ERICH1: variants seen among roughly 807,000 people sequenced by gnomAD.
ERICH1 encodes the protein glutamate-rich protein 1.
A neutral mutation model predicts 39.6 loss-of-function variants in ERICH1; 56 were observed. The ratio of observed to expected loss-of-function variants is 1.41; its 90% CI spans 1.14 to 1.77. The LOEUF (loss-of-function observed/expected upper bound fraction) is 1.77. Ranked by LOEUF, ERICH1 falls within the 40% of genes most tolerant of loss-of-function variation. ERICH1 has a pLI of 0.00. For synonymous variants in ERICH1, 313 were observed against 223.6 expected (o/e 1.40, Z -3.57); for missense variants, 826 against 575.4 (o/e 1.44, Z -4.45).
At chr8:696,979 G>C (rs1459868395) in intron 2 of ERICH1, among the ~76,000 whole-genome samples, 1 of 151,874 alleles carries the variant, frequency 6.6e-6, no homozygotes, top group African/African-American at 2.4e-5. Context: ...ACCTGTGCTT[G>C]CTCCTCTTAC....
chr8:650,225 G>A (rs900580403), intron 3 of ERICH1, among the ~76,000 whole-genome samples: 6 of 152,340 alleles, frequency 3.9e-5, no homozygotes, highest in African/African-American at 1.4e-4. Context: ...TGCTGGCGAT[G>A]AGGACGCCGG....
chr8:695,917 T>A (rs1810140742), intron 2 of ERICH1, among the ~76,000 whole-genome samples: 2 of 66,558 alleles, frequency 3.0e-5, no homozygotes, highest in Non-Finnish European at 5.5e-5. Flanking sequence ...CTCGCTCCTC[T>A]CACCCTCCAC....
chr8:664,804 T>A, intron 5 of ERICH1, 128 bp from the exon 6 acceptor site: 1 of 674,456 alleles, frequency 1.5e-6, no homozygotes, highest in South Asian at 2.1e-5. Flanking sequence ...AAATGCAACT[T>A]TGGCATGAAA....
chr8:614,775 C>G (rs868299306), exon 4 of ERICH1: 1 of 157,888 alleles, frequency 6.3e-6, no homozygotes. Flanking sequence ...ATTCAACATA[C>G]ACTTGTTGAT....
intron 2 of ERICH1, among the ~76,000 whole-genome samples, chr8:695,391 T>A (rs1809918894): frequency 6.6e-6 from 1 of 152,080 alleles, no homozygotes; most frequent in African/African-American, 2.4e-5. Context: ...ATGACGGCTG[T>A]GAGCAAAACC....
Position 664,533 on chromosome 8 carries a change from A to G in ERICH1, c.*70T>C. On this transcript the variant is annotated 3_prime_UTR_variant, in exon 6 of 6. Transcript: ENST00000262109. Reference sequence around the variant, plus strand: ...TTCAAGTTCCCAGAGAACTAACTCTAAGCCCATCTCACATTTGTCTTTTAA... The same window carrying G: ...TTCAAGTTCCCAGAGAACTAACTCTGAGCCCATCTCACATTTGTCTTTTAA... 3 of 1,554,984 alleles carry G rather than the reference A, an allele frequency of 1.9e-6. No individual in the cohort carries two copies. The highest frequency in any genetic ancestry group is 2.6e-6 in the Non-Finnish European group (3 of 1,152,272).
At chr8:720,652 G>C (rs1817102136) in intron 1 of ERICH1, among the ~76,000 whole-genome samples, 1 of 152,202 alleles carries the variant, frequency 6.6e-6, no homozygotes, top group African/African-American at 2.4e-5. Flanking sequence ...GAAAGACAAT[G>C]TCCCTTTTCA....
chr8:650,357 G>A (rs1212333417), intron 3 of ERICH1, among the ~76,000 whole-genome samples: 1 of 152,354 alleles, frequency 6.6e-6, no homozygotes, highest in Middle Eastern at 3.4e-3. Context: ...GGCAGAACGG[G>A]CTTTCCTTTT....
intron 3 of ERICH1, among the ~76,000 whole-genome samples, chr8:678,311 T>C (rs575345742): frequency 1.3e-5 from 2 of 152,250 alleles, no homozygotes; most frequent in South Asian, 4.1e-4. Context: ...AACACGGAAG[T>C]GCCGATACGT....
chr8:719,147 AGCCCCAG>A (rs1816719306), intron 1 of ERICH1, among the ~76,000 whole-genome samples: 2 of 152,046 alleles, frequency 1.3e-5, no homozygotes, highest in Non-Finnish European at 2.9e-5. Context: ...GCCACACGAA[AGCCCCAG>A]GCCTGGCGAG....
chr8:689,766 G>A (rs1381296260), intron 3 of ERICH1, among the ~76,000 whole-genome samples: 5 of 152,172 alleles, frequency 3.3e-5, no homozygotes, highest in African/African-American at 4.8e-5. Context: ...CCTGTAATGC[G>A]GTCTACACAG....
chr8:677,080 G>A (rs1318452344), intron 3 of ERICH1, among the ~76,000 whole-genome samples: 1 of 152,210 alleles, frequency 6.6e-6, no homozygotes, highest in African/African-American at 2.4e-5. Context: ...AAAGCCCAGG[G>A]CCTGCCCGCA....
intron 1 of ERICH1, among the ~76,000 whole-genome samples, chr8:724,497 G>A (rs1319809657): frequency 1.3e-5 from 2 of 152,102 alleles, no homozygotes; most frequent in African/African-American, 2.4e-5. Flanking sequence ...CAGCCCAGGG[G>A]CTTCCGGAGA....
intron 3 of ERICH1, chr8:615,903 C>T (rs1414510847): frequency 6.6e-6 from 1 of 152,476 alleles, no homozygotes; most frequent in Non-Finnish European, 1.5e-5. Context: ...ACGCTGTGGT[C>T]TCATGCAGCA....
chr8:663,038 C>A (rs760747607), downstream of ERICH1, among the ~76,000 whole-genome samples: 1 of 152,226 alleles, frequency 6.6e-6, no homozygotes, highest in Non-Finnish European at 1.5e-5. Flanking sequence ...GAGTGGCGTC[C>A]GCTGCCACAT....
intron 3 of ERICH1, among the ~76,000 whole-genome samples, chr8:682,774 C>A (rs1428818523): frequency 6.6e-6 from 1 of 152,210 alleles, no homozygotes; most frequent in Non-Finnish European, 1.5e-5. Flanking sequence ...AATAACCAGT[C>A]TTCAGATTCT....
At chr8:692,664 T>C in intron 2 of ERICH1, 52 bp from the exon 3 acceptor site, 1 of 1,514,690 alleles carries the variant, frequency 6.6e-7, no homozygotes, top group Non-Finnish European at 8.9e-7. Context: ...CAAAATGCAG[T>C]CATTTATTTG....
At chr8:621,357 GA>G (rs140410701) in intron 3 of ERICH1, among the ~76,000 whole-genome samples, 1 of 152,034 alleles carries the variant, frequency 6.6e-6, no homozygotes, top group African/African-American at 2.4e-5. Flanking sequence ...TAAGACACTA[GA>G]AAAATTTCTC....
At chr8:709,716 C>G (rs1301246639) in intron 2 of ERICH1, among the ~76,000 whole-genome samples, 1 of 152,172 alleles carries the variant, frequency 6.6e-6, no homozygotes, top group Non-Finnish European at 1.5e-5. Context: ...CAAATGGACC[C>G]AGCCACTTAA....
Sources: allele counts gnomAD v4.1 joint callset (sites outside exome capture counted in the v4.1 genomes callset), GRCh38; gene constraint gnomAD v4.1.1; transcripts MANE v1.5; gene names NCBI Gene and HGNC (gene_info 2026-07-23, HGNC 2026-07-21).